Variants in LTBP1 observed in about 807,000 individuals in gnomAD.
The protein encoded by LTBP1 is latent transforming growth factor beta binding protein 1.
A neutral mutation model predicts 207.6 loss-of-function variants in LTBP1; 129 were observed. That is an observed-to-expected ratio of 0.62 (90% CI 0.54 to 0.72). The LOEUF is 0.72. Ranked by LOEUF, LTBP1 falls within the 30% of genes least tolerant of loss-of-function variation. The pLI is 0.00. For missense variants in LTBP1, 2,281 were observed against 2,217.2 expected (o/e 1.03, Z -0.58); for synonymous variants, 963 against 833.7 (o/e 1.16, Z -2.67).
At chr2:33,364,393 A>C in intron 30 of LTBP1, 37 bp downstream of exon 30, 1 of 1,580,458 alleles carries the variant, frequency 6.3e-7, no homozygotes, top group Non-Finnish European at 8.6e-7. Context: ...TGTCCAAATA[A>C]CTATCATAAG....
At chr2:32,996,189 C>T (rs1266905593) in intron 2 of LTBP1, among the ~76,000 whole-genome samples, 1 of 152,144 alleles carries the variant, frequency 6.6e-6, no homozygotes, top group Non-Finnish European at 1.5e-5. Flanking sequence ...AAATATTTCT[C>T]ACAGTTTTGG....
At chr2:33,050,663 A>G (rs1443418106) in intron 3 of LTBP1, among the ~76,000 whole-genome samples, 1 of 152,166 alleles carries the variant, frequency 6.6e-6, no homozygotes, top group Non-Finnish European at 1.5e-5. Context: ...TGGGCCTGGA[A>G]ACAGAACATT....
At chr2:33,225,636 CAT>C (rs1282528902) in intron 9 of LTBP1, among the ~76,000 whole-genome samples, 4 of 152,208 alleles carry the variant, frequency 2.6e-5, no homozygotes, top group Non-Finnish European at 5.9e-5. Context: ...CCTCCCACGA[CAT>C]GTGGGAATTC....
At chr2:32,964,572 G>A (rs930123074) in intron 2 of LTBP1, among the ~76,000 whole-genome samples, 1 of 151,978 alleles carries the variant, frequency 6.6e-6, no homozygotes, top group Non-Finnish European at 1.5e-5. Context: ...CCAGTAGCAT[G>A]TAGCTATTTC....
At chr2:33,063,491 AT>A (rs1168496928) in intron 3 of LTBP1, among the ~76,000 whole-genome samples, 1 of 152,174 alleles carries the variant, frequency 6.6e-6, no homozygotes, top group African/African-American at 2.4e-5. Context: ...AATACATTTT[AT>A]TTTAGGAAAA....
chr2:33,321,143 TTTGA>T (rs1286003496), intron 24 of LTBP1, among the ~76,000 whole-genome samples: 1 of 152,128 alleles, frequency 6.6e-6, no homozygotes, highest in Non-Finnish European at 1.5e-5. Context: ...GATTCTACTA[TTTGA>T]TTGAAAAATT....
chr2:33,053,432 A>G (rs571635026), intron 3 of LTBP1, among the ~76,000 whole-genome samples: 186 of 152,012 alleles, frequency 1.2e-3, no homozygotes, highest in African/African-American at 4.3e-3. Context: ...AATGACATCT[A>G]TCTATCATTA....
At chr2:33,034,206 G>C (rs546008577) in intron 3 of LTBP1, among the ~76,000 whole-genome samples, 1 of 147,958 alleles carries the variant, frequency 6.8e-6, no homozygotes, top group Non-Finnish European at 1.5e-5. Context: ...AGAAAGAGAC[G>C]AGACTTGAAG....
chr2:33,033,768 A>C (rs2075794203), intron 3 of LTBP1, among the ~76,000 whole-genome samples: 1 of 152,216 alleles, frequency 6.6e-6, no homozygotes, highest in African/African-American at 2.4e-5. Flanking sequence ...TTATGGTGCC[A>C]TCTGTCTTGA....
At chr2:33,273,176 G>C (rs186521796) in intron 15 of LTBP1, among the ~76,000 whole-genome samples, 25 of 152,204 alleles carry the variant, frequency 1.6e-4, no homozygotes, top group Non-Finnish European at 2.5e-4. Flanking sequence ...GATAAATTTT[G>C]GAGGAGATTG....
At chr2:33,216,893 G>A (rs2090753170) in intron 7 of LTBP1, among the ~76,000 whole-genome samples, 1 of 152,216 alleles carries the variant, frequency 6.6e-6, no homozygotes, top group South Asian at 2.1e-4. Flanking sequence ...TGTTGCACCA[G>A]TAGCCTCTAA....
At chr2:33,229,552 GATTA>G (rs2091668295) in intron 9 of LTBP1, among the ~76,000 whole-genome samples, 1 of 152,158 alleles carries the variant, frequency 6.6e-6, no homozygotes, top group South Asian at 2.1e-4. Flanking sequence ...TTTACTGGCT[GATTA>G]ATGTTTTGAA....
chr2:33,175,103 A>G (rs1445696526), intron 5 of LTBP1, among the ~76,000 whole-genome samples: 1 of 152,110 alleles, frequency 6.6e-6, no homozygotes, highest in Non-Finnish European at 1.5e-5. Flanking sequence ...ATGGGCAAGG[A>G]CTTCATGTCT....
At chr2:33,300,340 A>G (rs2123769) in intron 20 of LTBP1, 111 bp from the exon 21 acceptor site, 297,176 of 1,043,258 alleles carry the variant, frequency 0.28, 45,529 homozygotes, top group Non-Finnish European at 0.32. Flanking sequence ...AGTGCCAGAC[A>G]TAAGAAGTAC....
intron 7 of LTBP1, among the ~76,000 whole-genome samples, chr2:33,213,944 G>A (rs952484256): frequency 6.6e-6 from 1 of 152,160 alleles, no homozygotes; most frequent in Admixed American, 6.5e-5. Context: ...TGAAAACCTT[G>A]TACCTTTCTG....
chr2:33,235,724 T>TA (rs1434013718), intron 9 of LTBP1, among the ~76,000 whole-genome samples: 1 of 152,196 alleles, frequency 6.6e-6, no homozygotes, highest in Non-Finnish European at 1.5e-5. Context: ...TATGCAGCCA[T>TA]AAAAAAGGAT....
chr2:33,268,510 C>T (rs2093240554), intron 15 of LTBP1, among the ~76,000 whole-genome samples: 1 of 152,148 alleles, frequency 6.6e-6, no homozygotes, highest in South Asian at 2.1e-4. Context: ...TAAAGTGAGC[C>T]ACATATCTGC....
intron 17 of LTBP1, 114 bp from the exon 18 acceptor site, chr2:33,275,687 A>G (rs1391260055): frequency 1.4e-6 from 2 of 1,400,320 alleles, no homozygotes; most frequent in East Asian, 4.9e-5. Flanking sequence ...TCCATCTCAA[A>G]AAAAAAAAGA....
chr2:33,179,108 C>T (rs2148640588), intron 5 of LTBP1, among the ~76,000 whole-genome samples: 1 of 152,296 alleles, frequency 6.6e-6, no homozygotes, highest in Admixed American at 6.5e-5. Context: ...TGTCCAACCC[C>T]AGCCCATGGG....
Sources: gnomAD v4.1 joint callset for allele counts (sites outside exome capture counted in the v4.1 genomes callset) on GRCh38, gnomAD v4.1.1 for gene constraint, MANE v1.5 for transcripts, NCBI Gene and HGNC (gene_info 2026-07-23, HGNC 2026-07-21) for gene names.